Variants in CADM2 observed in about 807,000 individuals in gnomAD.
CADM2 encodes immunoglobulin superfamily member 4D.
CADM2 carries 12 observed loss-of-function variants against 49.8 expected under a neutral mutation model. The observed-to-expected ratio is 0.24, with a 90% confidence interval of 0.15 to 0.39. The LOEUF (loss-of-function observed/expected upper bound fraction) is 0.39, where lower values mean the gene tolerates loss of function less well. Among genes scored for constraint, CADM2 ranks in the 10% least tolerant of loss-of-function variants. The pLI, the probability that CADM2 is intolerant of heterozygous loss-of-function variation, is 1.00. For missense variants in CADM2, 378 were observed against 492.3 expected, an observed-to-expected ratio of 0.77 and a Z score of 2.20; for synonymous variants, 214 against 175.4, an observed-to-expected ratio of 1.22 and a Z score of -1.74.
chr3:85,996,551 T>C (rs1729445500), intron 8 of CADM2, among the ~76,000 whole-genome samples: 1 of 152,016 alleles, frequency 6.6e-6, no homozygotes, highest in South Asian at 2.1e-4. Context: ...GAAAATCAAA[T>C]TAAGAAAAAC....
rs533396008 is a variant in CADM2 at position 85,616,911 on chromosome 3, A to C, written c.62-109611A>C. Among the ~76,000 whole-genome samples, 7 of 152,294 alleles carry C rather than the reference A, an allele frequency of 4.6e-5. No individual in the cohort carries two copies. In the South Asian group the frequency reaches 1.2e-3, roughly 27 times the overall value. Reference sequence around the variant, plus strand: ...GAAATACTAACAAACTTGGCTAAGAAACAAAGTCTAGGTACATTTAGCTTG... The same window carrying C: ...GAAATACTAACAAACTTGGCTAAGACACAAAGTCTAGGTACATTTAGCTTG... On this transcript the variant is annotated intron_variant, in intron 1 of 9. Coordinates refer to ENST00000383699, the MANE Select transcript of CADM2 (RefSeq NM_001167675.2).
intron 2 of CADM2, among the ~76,000 whole-genome samples, chr3:85,728,406 T>C (rs1577177399): frequency 6.6e-6 from 1 of 152,156 alleles, no homozygotes. Context: ...AAATTAATTG[T>C]GCCTCAAGTG....
At chr3:85,740,185 G>T (rs1365885456) in intron 2 of CADM2, among the ~76,000 whole-genome samples, 1 of 152,114 alleles carries the variant, frequency 6.6e-6, no homozygotes, top group Non-Finnish European at 1.5e-5. Flanking sequence ...AAGGAATTTG[G>T]TAAACAAGTC....
chr3:85,113,574 T>G (rs1032181049), intron 1 of CADM2, among the ~76,000 whole-genome samples: 1 of 152,020 alleles, frequency 6.6e-6, no homozygotes, highest in African/African-American at 2.4e-5. Context: ...TAATACAATT[T>G]AATCCTAATA....
At chr3:85,528,395 T>C (rs988914536) in intron 1 of CADM2, among the ~76,000 whole-genome samples, 7 of 152,224 alleles carry the variant, frequency 4.6e-5, no homozygotes, top group African/African-American at 1.4e-4. Context: ...TAACTATGAC[T>C]TCAAAATGTG....
intron 8 of CADM2, among the ~76,000 whole-genome samples, chr3:85,978,186 A>T (rs1191157733): frequency 6.6e-6 from 1 of 151,580 alleles, no homozygotes; most frequent in Non-Finnish European, 1.5e-5. Context: ...CTCTCTGAGG[A>T]TCTCACTGAA....
At chr3:85,554,291 GC>G (rs1005850125) in intron 1 of CADM2, among the ~76,000 whole-genome samples, 2 of 152,252 alleles carry the variant, frequency 1.3e-5, no homozygotes, top group Admixed American at 1.3e-4. Context: ...ATCTAATGCC[GC>G]CCCTGAATCT....
At chr3:85,391,693 C>A (rs1004904384) in intron 1 of CADM2, among the ~76,000 whole-genome samples, 1 of 152,188 alleles carries the variant, frequency 6.6e-6, no homozygotes, top group African/African-American at 2.4e-5. Context: ...GGGAGCATAA[C>A]CATTTCATAT....
At chr3:85,259,896 A>T (rs17022638) in intron 1 of CADM2, among the ~76,000 whole-genome samples, 18,211 of 152,058 alleles carry the variant, frequency 0.12, 1,364 homozygotes, top group East Asian at 0.2. Flanking sequence ...TCATTCCAAA[A>T]TCGTTGTGCC....
At chr3:85,657,352 T>C (rs1192639641) in intron 1 of CADM2, among the ~76,000 whole-genome samples, 2 of 152,116 alleles carry the variant, frequency 1.3e-5, no homozygotes, top group Non-Finnish European at 2.9e-5. Flanking sequence ...AATTAAGTAA[T>C]ACATTTAAGA....
At position 85,736,116 on chromosome 3, in the gene CADM2, G is replaced by A. The variant is rs550661167; in HGVS notation, c.88+9568G>A. Reference sequence around the variant, plus strand: ...ATCAGATGATGACATACAAGCAAAGGTGTCAGAGAAAAAGAAGAAAATAAA... The same window carrying A: ...ATCAGATGATGACATACAAGCAAAGATGTCAGAGAAAAAGAAGAAAATAAA... On this transcript the variant is annotated intron_variant, in intron 2 of 9. Coordinates refer to ENST00000383699, the MANE Select transcript of CADM2 (RefSeq NM_001167675.2). Among the ~76,000 whole-genome samples, 43 of 151,886 alleles carry A rather than the reference G, an allele frequency of 2.8e-4. 1 individual carries two copies. The South Asian group carries it at 2.9e-3, about 10-fold the overall frequency.
intron 1 of CADM2, among the ~76,000 whole-genome samples, chr3:85,480,802 A>G (rs2039178293): frequency 6.6e-6 from 1 of 151,994 alleles, no homozygotes; most frequent in Admixed American, 6.6e-5. Context: ...ATAGAATTGC[A>G]ATGTTTGAGG....
At chr3:85,321,703 G>A (rs2044616852) in intron 1 of CADM2, among the ~76,000 whole-genome samples, 1 of 152,026 alleles carries the variant, frequency 6.6e-6, no homozygotes, top group South Asian at 2.1e-4. Flanking sequence ...TACTACATAT[G>A]TGTCTTTGAT....
intron 1 of CADM2, among the ~76,000 whole-genome samples, chr3:85,046,648 A>G (rs1287166494): frequency 6.6e-6 from 1 of 152,024 alleles, no homozygotes; most frequent in Admixed American, 6.6e-5. Flanking sequence ...TTATGTGACA[A>G]TTAAAAATGA....
At chr3:85,216,314 C>G (rs995150447) in intron 1 of CADM2, among the ~76,000 whole-genome samples, 1 of 145,624 alleles carries the variant, frequency 6.9e-6, no homozygotes, top group African/African-American at 2.5e-5. Context: ...ATATATTTAA[C>G]ATATTAATAT....
At chr3:85,996,873 A>G (rs894595328) in intron 8 of CADM2, among the ~76,000 whole-genome samples, 4 of 152,198 alleles carry the variant, frequency 2.6e-5, no homozygotes, top group Admixed American at 1.3e-4. Flanking sequence ...TTAAAACAAG[A>G]TAAACAATCC....
intron 3 of CADM2, among the ~76,000 whole-genome samples, chr3:85,830,090 C>T (rs921924158): frequency 1.4e-4 from 22 of 152,028 alleles, no homozygotes; most frequent in Middle Eastern, 3.4e-3. Context: ...TTTGAGGAAT[C>T]TTCACACCAT....
chr3:85,934,795 G>A (rs1391727511), intron 6 of CADM2, among the ~76,000 whole-genome samples: 1 of 151,928 alleles, frequency 6.6e-6, no homozygotes, highest in East Asian at 1.9e-4. Context: ...TAATAACAGT[G>A]CAGATCAGTC....
At chr3:85,872,136 A>G (rs1450240811) in intron 3 of CADM2, among the ~76,000 whole-genome samples, 1 of 152,216 alleles carries the variant, frequency 6.6e-6, no homozygotes, top group East Asian at 1.9e-4. Context: ...AGGCCAAGTC[A>G]AGCTCAAAGC....
Sources: allele counts gnomAD v4.1 joint callset (sites outside exome capture counted in the v4.1 genomes callset), GRCh38; gene constraint gnomAD v4.1.1; transcripts MANE v1.5; gene names NCBI Gene and HGNC (gene_info 2026-07-23, HGNC 2026-07-21).